JMJD1C: variants seen among roughly 807,000 people sequenced by gnomAD.
JMJD1C encodes jumonji domain containing 1C.
In JMJD1C, 31 loss-of-function variants were observed where a neutral mutation model predicts 245.3. That is an observed-to-expected ratio of 0.13 (90% CI 0.09 to 0.17). The LOEUF (loss-of-function observed/expected upper bound fraction) is 0.17. Among genes scored for constraint, JMJD1C ranks in the 10% least tolerant of loss-of-function variants. JMJD1C has a pLI of 1.00. For missense variants in JMJD1C, 2,691 were observed against 3,000.2 expected (o/e 0.90, Z 2.41); for synonymous variants, 1,057 against 1,017.4 (o/e 1.04, Z -0.74).
chr10:63,462,580 G>A (rs1347579446), intron 1 of JMJD1C, among the ~76,000 whole-genome samples: 1 of 152,170 alleles, frequency 6.6e-6, no homozygotes, highest in Non-Finnish European at 1.5e-5. Context: ...TTGGCCCAAA[G>A]TAATCAACAG....
chr10:63,324,770 A>T (rs1175000282), intron 2 of JMJD1C, among the ~76,000 whole-genome samples: 1 of 152,212 alleles, frequency 6.6e-6, no homozygotes, highest in Non-Finnish European at 1.5e-5. Context: ...TTTCGGGAAG[A>T]AAAGAGGTTC....
chr10:63,331,026 A>G (rs376071281), intron 2 of JMJD1C, among the ~76,000 whole-genome samples: 2 of 152,334 alleles, frequency 1.3e-5, no homozygotes, highest in African/African-American at 4.8e-5. Flanking sequence ...CATTATCTTC[A>G]AGTATCAATT....
intron 2 of JMJD1C, among the ~76,000 whole-genome samples, chr10:63,305,627 G>GGTGTGTGTGTGTGTGTGTGT (rs1420500276): frequency 5.1e-5 from 3 of 58,720 alleles, no homozygotes; most frequent in South Asian, 5.6e-4. Context: ...CCACCATGCT[G>GGTGTGTGTGTGTGTGTGTGT]GCGTGTGTGT....
At chr10:63,248,529 G>GATAGATAGATAGATAGATAAATAA (rs566828473) in intron 3 of JMJD1C, among the ~76,000 whole-genome samples, 10 of 137,058 alleles carry the variant, frequency 7.3e-5, no homozygotes, top group East Asian at 2.2e-4. Context: ...TCAATAGATA[G>GATAGATAGATAGATAGATAAATAA]ATAAATAAAT....
At chr10:63,477,949 G>A (rs1402627107) in intron 1 of JMJD1C, among the ~76,000 whole-genome samples, 1 of 152,032 alleles carries the variant, frequency 6.6e-6, no homozygotes, top group African/African-American at 2.4e-5. Context: ...AATAAGATAT[G>A]CAAGTGGCAA....
At chr10:63,400,487 T>C (rs1948782578) in intron 1 of JMJD1C, among the ~76,000 whole-genome samples, 1 of 152,158 alleles carries the variant, frequency 6.6e-6, no homozygotes, top group African/African-American at 2.4e-5. Context: ...GGTTCATTTT[T>C]TCCCGCTTAT....
At chr10:63,256,144 CAG>C (rs1433911650) in intron 3 of JMJD1C, among the ~76,000 whole-genome samples, 1 of 152,134 alleles carries the variant, frequency 6.6e-6, no homozygotes. Flanking sequence ...AGAACTACTG[CAG>C]TGACTTATAA....
rs1259716688 is a variant in JMJD1C, at chr10:63,427,496, A to G, written c.168+37999T>C. The G allele has an allele frequency of 1.6e-5, 21 of 1,296,736 alleles. No homozygotes were observed. In the Admixed American group the frequency reaches 1.8e-4, roughly 11 times the overall value. 80.3% of individuals were successfully genotyped at this position (1,296,736 alleles called of 1,614,324 possible). On this transcript the variant is annotated intron_variant, in intron 1 of 25. Transcript: ENST00000399262. ...ACCAACAGGATGTCCCACTGGGCCAAGCAACTGTTTCCTGCCAATGTTCTT... is the reference window on the plus strand; with the variant it reads ...ACCAACAGGATGTCCCACTGGGCCAGGCAACTGTTTCCTGCCAATGTTCTT...
chr10:63,521,158 T>C (rs1955210408), intron 1 of JMJD1C, among the ~76,000 whole-genome samples: 1 of 152,048 alleles, frequency 6.6e-6, no homozygotes, highest in South Asian at 2.1e-4. Context: ...TAAGGTTGGT[T>C]AGAGCGCAGG....
At chr10:63,362,173 T>A (rs1945424964) in intron 2 of JMJD1C, among the ~76,000 whole-genome samples, 1 of 149,232 alleles carries the variant, frequency 6.7e-6, no homozygotes, top group Non-Finnish European at 1.5e-5. Context: ...AGGCGGAGGC[T>A]ACAGTGAGCC....
At chr10:63,348,857 T>C (rs911596841) in intron 2 of JMJD1C, among the ~76,000 whole-genome samples, 4 of 151,974 alleles carry the variant, frequency 2.6e-5, no homozygotes, top group African/African-American at 9.7e-5. Flanking sequence ...TCCCAGCACT[T>C]TGGGAGGCCA....
chr10:63,330,381 A>C (rs1181814917), intron 2 of JMJD1C, among the ~76,000 whole-genome samples: 1 of 152,196 alleles, frequency 6.6e-6, no homozygotes, highest in African/African-American at 2.4e-5. Context: ...CTATTTATGT[A>C]AAAGAAGAAA....
At chr10:63,420,881 A>G (rs1001079925) in intron 1 of JMJD1C, among the ~76,000 whole-genome samples, 9 of 130,144 alleles carry the variant, frequency 6.9e-5, no homozygotes, top group Admixed American at 5.7e-4. Flanking sequence ...CAAAATCAAC[A>G]AAGTACAAAA....
chr10:63,408,057 C>T (rs1474996824), intron 1 of JMJD1C, among the ~76,000 whole-genome samples: 2 of 151,780 alleles, frequency 1.3e-5, no homozygotes, highest in African/African-American at 4.8e-5. Flanking sequence ...CTTTTCAGAA[C>T]TAACACTCAT....
At chr10:63,220,970 G>A (rs1848532057) in intron 3 of JMJD1C, among the ~76,000 whole-genome samples, 1 of 152,038 alleles carries the variant, frequency 6.6e-6, no homozygotes, top group African/African-American at 2.4e-5. Context: ...TATTAGCTGG[G>A]TGTGGTGGTG....
chr10:63,253,219 C>A (rs1050630678), intron 3 of JMJD1C, among the ~76,000 whole-genome samples: 143 of 152,158 alleles, frequency 9.4e-4, no homozygotes, highest in African/African-American at 3.3e-3. Context: ...GATATATAGA[C>A]CAAGGGACCA....
At chr10:63,448,003 AT>A (rs1951814795) in intron 1 of JMJD1C, among the ~76,000 whole-genome samples, 1 of 152,066 alleles carries the variant, frequency 6.6e-6, no homozygotes, top group African/African-American at 2.4e-5. Flanking sequence ...CTAATAAAGT[AT>A]TGTGAAAACC....
intron 1 of JMJD1C, among the ~76,000 whole-genome samples, chr10:63,452,872 G>A (rs533137813): frequency 6.6e-6 from 1 of 152,246 alleles, no homozygotes; most frequent in South Asian, 2.1e-4. Flanking sequence ...AATTCACAGA[G>A]ACATTAGATA....
chr10:63,213,465 T>C lies in JMJD1C; in HGVS notation c.2694+8A>G. 1 of 1,535,608 alleles carries C rather than the reference T, an allele frequency of 6.5e-7. No homozygotes were observed. Among genetic ancestry groups the C allele is most frequent in the Non-Finnish European group, 8.9e-7 (1 of 1,117,414 alleles). ...TACTGCTATGTGGCAAACTACAGTG[T>C]AACTTACCCTCCTTAATGAAGCTTC... On this transcript the variant is annotated splice_region_variant and intron_variant, in intron 8 of 25. Coordinates refer to ENST00000399262, the MANE Select transcript of JMJD1C (RefSeq NM_032776.3).
Sources: gnomAD v4.1 joint callset for allele counts (sites outside exome capture counted in the v4.1 genomes callset) on GRCh38, gnomAD v4.1.1 for gene constraint, MANE v1.5 for transcripts, NCBI Gene and HGNC (gene_info 2026-07-23, HGNC 2026-07-21) for gene names.